Variants in OVCH1 observed in about 807,000 individuals in gnomAD.
OVCH1 encodes the protein ovochymase 1, also known as ovochymase-1.
Under a neutral mutation model 138.4 loss-of-function variants are expected in OVCH1, and 139 were observed. The ratio of observed to expected loss-of-function variants is 1.00; its 90% confidence interval spans 0.87 to 1.16. OVCH1 has a LOEUF of 1.16. OVCH1 is among the 50% of genes most tolerant of loss of function. The pLI, the probability that OVCH1 is intolerant of heterozygous loss-of-function variation, is 0.00. For synonymous variants in OVCH1, 453 were observed against 467.8 expected (o/e 0.97, Z 0.41); for missense variants, 1,367 against 1,357.9 (o/e 1.01, Z -0.11).
chr12:29,444,024 G>T, intron 24 of OVCH1, 121 bp downstream of exon 24: 1 of 1,117,746 alleles, frequency 8.9e-7, no homozygotes, highest in Non-Finnish European at 1.2e-6. Flanking sequence ...GGTTACCTAA[G>T]AGTCTATTCT....
intron 25 of OVCH1, chr12:29,439,463 C>G: frequency 7.2e-7 from 1 of 1,388,986 alleles, no homozygotes; most frequent in Non-Finnish European, 9.4e-7. Context: ...AACAAACAAA[C>G]AAACAAACAA....
At chr12:29,440,388 CTTTA>C (rs1281999345) in intron 25 of OVCH1, 1 of 177,210 alleles carries the variant, frequency 5.6e-6, no homozygotes, top group African/African-American at 2.4e-5. Context: ...CTGTCCCCTT[CTTTA>C]TTTCTTTGTT....
intron 3 of OVCH1, among the ~76,000 whole-genome samples, chr12:29,421,232 C>T (rs1048040123): frequency 3.2e-4 from 48 of 152,198 alleles, no homozygotes; most frequent in African/African-American, 1.4e-4. Flanking sequence ...ATTTTCCATT[C>T]GAAATTGGTC....
exon 26 of OVCH1, chr12:29,439,422 C>A: frequency 1.3e-6 from 2 of 1,525,794 alleles, no homozygotes; most frequent in East Asian, 2.4e-5. Context: ...TGCCAGAGTT[C>A]CAGCGAATGA....
rs1182523366 is a variant in OVCH1, at chr12:29,444,291, AG to A, written c.2882-12del. Reference sequence around the variant, plus strand: ...TACTGTCCTTTGGACCTAAAAGAACAGGAAGCAGAGAAAATGAGAATAAAAC... The same window carrying A: ...TACTGTCCTTTGGACCTAAAAGAACAGAAGCAGAGAAAATGAGAATAAAAC... On this transcript the variant is annotated splice_polypyrimidine_tract_variant and intron_variant, in intron 23 of 27. Coordinates refer to ENST00000318184, the Ensembl canonical transcript of OVCH1. 10 of 1,608,370 alleles carry A rather than the reference AG, an allele frequency of 6.2e-6. No homozygotes were observed. Among genetic ancestry groups the A allele is most frequent in the Non-Finnish European group, 7.6e-6 (9 of 1,177,298 alleles).
chr12:29,435,633 C>T (rs1941345373), intron 26 of OVCH1, among the ~76,000 whole-genome samples: 1 of 152,156 alleles, frequency 6.6e-6, no homozygotes, highest in Admixed American at 6.5e-5. Flanking sequence ...GGATTACAGG[C>T]ATGAGCTACC....
downstream of OVCH1, chr12:29,423,307 A>G: frequency 2.2e-6 from 1 of 455,632 alleles, no homozygotes; most frequent in Non-Finnish European, 4.4e-6. Flanking sequence ...AGCTGCAATG[A>G]AAGACATATT....
rs375834836 is a variant in OVCH1 at position 29,471,767 on chromosome 12, G to T, written c.1856+35C>A. 11 of 1,569,622 alleles carry T rather than the reference G, an allele frequency of 7.0e-6. No individual in the cohort carries two copies. The African/African-American group carries it at 1.4e-4, about 19-fold the overall frequency. On this transcript the variant is annotated intron_variant, in intron 16 of 27. Transcript: ENST00000318184. ...CTAGGCATTACTTACAAATGCATGTGCTAAATAGGTTGGTAAAATACCAGT... is the reference window on the plus strand; with the variant it reads ...CTAGGCATTACTTACAAATGCATGTTCTAAATAGGTTGGTAAAATACCAGT...
intron 15 of OVCH1, 60 bp downstream of exon 15, chr12:29,472,969 G>A (rs1330914653): frequency 1.1e-5 from 16 of 1,408,080 alleles, no homozygotes; most frequent in Non-Finnish European, 1.6e-5. Flanking sequence ...TTCCAAAAGA[G>A]ACATCTAGTT....
At chr12:29,490,492 G>A (rs553980393) in intron 5 of OVCH1, among the ~76,000 whole-genome samples, 6 of 152,276 alleles carry the variant, frequency 3.9e-5, no homozygotes, top group Non-Finnish European at 7.4e-5. Context: ...TTTAATATAT[G>A]TATACATTGC....
chr12:29,459,613 A>T (rs1283108671), intron 19 of OVCH1, among the ~76,000 whole-genome samples: 1 of 152,288 alleles, frequency 6.6e-6, no homozygotes, highest in South Asian at 2.1e-4. Flanking sequence ...TTCTGCATTT[A>T]AAAATCACTA....
At chr12:29,440,600 A>G (rs546122712) in intron 25 of OVCH1, 2 of 377,110 alleles carry the variant, frequency 5.3e-6, no homozygotes, top group South Asian at 2.0e-5. Flanking sequence ...GAGGCAGTGC[A>G]TGGTAACAGG....
intron 15 of OVCH1, among the ~76,000 whole-genome samples, 164 bp from the exon 16 acceptor site, chr12:29,472,146 C>T (rs976060929): frequency 6.6e-6 from 1 of 152,146 alleles, no homozygotes; most frequent in Non-Finnish European, 1.5e-5. Context: ...TTTTAAGAAG[C>T]CTTCCCAGAC....
chr12:29,496,311 T>A (rs778683656), intron 2 of OVCH1, 33 bp from the exon 3 acceptor site: 1 of 1,504,154 alleles, frequency 6.6e-7, no homozygotes. Context: ...ATGCAGCTAA[T>A]ATGTCTCCCC....
chr12:29,410,193 C>T (rs1940937029), downstream of OVCH1, among the ~76,000 whole-genome samples: 1 of 140,460 alleles, frequency 7.1e-6, no homozygotes, highest in Admixed American at 7.2e-5. Context: ...ATTTTTGAGC[C>T]TATGTGTGTC....
intron 19 of OVCH1, among the ~76,000 whole-genome samples, chr12:29,457,362 T>A (rs967447909): frequency 6.7e-6 from 1 of 150,252 alleles, no homozygotes; most frequent in South Asian, 2.1e-4. Flanking sequence ...GTCCAGTCCA[T>A]AGTAAATATT....
intron 26 of OVCH1, chr12:29,439,201 C>A: frequency 1.2e-6 from 1 of 818,736 alleles, no homozygotes; most frequent in Non-Finnish European, 1.7e-6. Flanking sequence ...CCCCTAGAAG[C>A]TCAAAGTCCT....
At chr12:29,424,376 C>T (rs1592027202), downstream of OVCH1, among the ~76,000 whole-genome samples, 5 of 152,184 alleles carry the variant, frequency 3.3e-5, no homozygotes, top group Admixed American at 3.3e-4. Flanking sequence ...CCAGCATGGG[C>T]ATCATGGCCA....
chr12:29,404,877 C>T, the OVCH1 span, among the ~76,000 whole-genome samples: 5 of 151,814 alleles, frequency 3.3e-5, no homozygotes, highest in Non-Finnish European at 7.4e-5. Flanking sequence ...AAAAAATTAG[C>T]TGGGTGTGGT....
Sources: allele counts gnomAD v4.1 joint callset (sites outside exome capture counted in the v4.1 genomes callset), GRCh38; gene constraint gnomAD v4.1.1; transcripts MANE v1.5; gene names NCBI Gene and HGNC (gene_info 2026-07-23, HGNC 2026-07-21).